Variants in SYT16 observed in about 807,000 individuals in gnomAD.
SYT16 encodes the protein synaptotagmin 16.
Under a neutral mutation model 61.4 loss-of-function variants are expected in SYT16, and 42 were observed. The ratio of observed to expected loss-of-function variants is 0.68; its 90% CI spans 0.53 to 0.89. The LOEUF is 0.89. SYT16 is among the 40% of genes least tolerant of loss of function. The pLI is 0.00. For missense variants in SYT16, 804 were observed against 807.3 expected, an observed-to-expected ratio of 1.00 and a Z score of 0.05; for synonymous variants, 314 against 302.3, an observed-to-expected ratio of 1.04 and a Z score of -0.40.
At chr14:62,059,836 A>C (rs10133975) in intron 3 of SYT16, among the ~76,000 whole-genome samples, 68,359 of 151,094 alleles carry the variant, frequency 0.45, 18,727 homozygotes, top group African/African-American at 0.78. Flanking sequence ...GTTTCTTTTC[A>C]CAAATAGATA....
chr14:61,992,769 G>A (rs183494196), intron 2 of SYT16, among the ~76,000 whole-genome samples: 7 of 152,204 alleles, frequency 4.6e-5, no homozygotes, highest in African/African-American at 9.6e-5. Flanking sequence ...TGAGTGAAGC[G>A]AGTGGATTGT....
intron 1 of SYT16, among the ~76,000 whole-genome samples, chr14:61,824,142 G>T (rs1449855946): frequency 6.6e-6 from 1 of 152,098 alleles, no homozygotes; most frequent in Non-Finnish European, 1.5e-5. Context: ...GTCCCATGCT[G>T]TTCTGTTTTC....
intron 1 of SYT16, among the ~76,000 whole-genome samples, chr14:61,886,502 C>T (rs1376111652): frequency 1.3e-5 from 2 of 152,194 alleles, no homozygotes; most frequent in Non-Finnish European, 2.9e-5. Flanking sequence ...GCGTCTTCAC[C>T]AGGAGTAGAT....
chr14:61,906,231 A>G (rs770894354), intron 1 of SYT16, among the ~76,000 whole-genome samples: 1 of 152,200 alleles, frequency 6.6e-6, no homozygotes, highest in Non-Finnish European at 1.5e-5. Context: ...TGAATGTGGG[A>G]GGGTTCTAGA....
At chr14:61,851,057 C>G (rs1012154581) in intron 1 of SYT16, among the ~76,000 whole-genome samples, 9 of 152,118 alleles carry the variant, frequency 5.9e-5, no homozygotes, top group Non-Finnish European at 1.2e-4. Context: ...TGCTCTCCCT[C>G]CTCCCACCCC....
chr14:61,908,982 C>G (rs2048826599), intron 1 of SYT16, among the ~76,000 whole-genome samples: 1 of 152,138 alleles, frequency 6.6e-6, no homozygotes, highest in African/African-American at 2.4e-5. Context: ...GCCATTACAC[C>G]TGGCCAACTT....
At chr14:61,954,991 T>A (rs2050816918) in intron 1 of SYT16, among the ~76,000 whole-genome samples, 1 of 152,162 alleles carries the variant, frequency 6.6e-6, no homozygotes, top group South Asian at 2.1e-4. Context: ...ATAAAATTCA[T>A]ATATCATAAA....
At chr14:62,019,425 T>C (rs2053831560) in intron 3 of SYT16, among the ~76,000 whole-genome samples, 1 of 152,202 alleles carries the variant, frequency 6.6e-6, no homozygotes, top group Non-Finnish European at 1.5e-5. Context: ...CTGACGCTGC[T>C]ACTTTCTTGC....
intron 3 of SYT16, among the ~76,000 whole-genome samples, chr14:62,045,626 C>T (rs2353774): frequency 0.049 from 7,478 of 152,102 alleles, 506 homozygotes; most frequent in African/African-American, 0.16. Context: ...CAACAGGCCC[C>T]GGTGTGTGAT....
At chr14:62,017,419 T>C (rs775671645) in intron 3 of SYT16, among the ~76,000 whole-genome samples, 1 of 152,218 alleles carries the variant, frequency 6.6e-6, no homozygotes, top group Non-Finnish European at 1.5e-5. Context: ...AAGCATATGC[T>C]TATAACTCTG....
chr14:62,020,951 G>A (rs948127030), intron 3 of SYT16, among the ~76,000 whole-genome samples: 2 of 152,174 alleles, frequency 1.3e-5, no homozygotes, highest in African/African-American at 4.8e-5. Flanking sequence ...TTCTTGGAGT[G>A]TGAGCTGTTT....
chr14:62,012,727 G>A (rs996822583), intron 3 of SYT16, among the ~76,000 whole-genome samples: 1 of 152,112 alleles, frequency 6.6e-6, no homozygotes, highest in African/African-American at 2.4e-5. Flanking sequence ...TTTTTTAGGT[G>A]AGGAAATTAT....
chr14:61,902,510 T>G (rs1227963059), intron 1 of SYT16, among the ~76,000 whole-genome samples: 1 of 152,208 alleles, frequency 6.6e-6, no homozygotes, highest in African/African-American at 2.4e-5. Context: ...TTCCTAGGAC[T>G]GCTGTAGCAA....
intron 1 of SYT16, among the ~76,000 whole-genome samples, chr14:61,925,412 G>T (rs894354659): frequency 6.9e-6 from 1 of 145,046 alleles, no homozygotes; most frequent in African/African-American, 2.4e-5. Context: ...CATGTGTTGT[G>T]CAAAGAGTGT....
At chr14:62,073,733 AC>A (rs138954503) in intron 4 of SYT16, among the ~76,000 whole-genome samples, 5,548 of 152,226 alleles carry the variant, frequency 0.036, 193 homozygotes, top group East Asian at 0.16. Context: ...TTGAATGCTT[AC>A]TATACATGGG....
At chr14:61,857,243 C>T (rs976366317) in intron 1 of SYT16, among the ~76,000 whole-genome samples, 2 of 152,146 alleles carry the variant, frequency 1.3e-5, no homozygotes, top group Non-Finnish European at 2.9e-5. Flanking sequence ...GTCTGGTCCC[C>T]CTTGGTTGAG....
At chr14:62,002,046 A>G (rs1209948963) in intron 3 of SYT16, among the ~76,000 whole-genome samples, 2 of 152,052 alleles carry the variant, frequency 1.3e-5, no homozygotes, top group Non-Finnish European at 2.9e-5. Context: ...TAGTTCCAAT[A>G]TCTGAGTCAT....
intron 1 of SYT16, among the ~76,000 whole-genome samples, chr14:61,885,955 G>A (rs968458234): frequency 6.6e-6 from 1 of 151,730 alleles, no homozygotes; most frequent in Non-Finnish European, 1.5e-5. Context: ...GGTTGAGGAG[G>A]CTGTGGCAAT....
At chr14:62,043,093 G>C (rs752738153) in intron 3 of SYT16, among the ~76,000 whole-genome samples, 1 of 126,396 alleles carries the variant, frequency 7.9e-6, no homozygotes, top group Admixed American at 7.6e-5. Context: ...GTTGCCTGTG[G>C]TTTCTCTTTT....
Sources: gnomAD v4.1 joint callset for allele counts (sites outside exome capture counted in the v4.1 genomes callset) on GRCh38, gnomAD v4.1.1 for gene constraint, MANE v1.5 for transcripts, NCBI Gene and HGNC (gene_info 2026-07-23, HGNC 2026-07-21) for gene names.